The following EPHB1 variants were observed in gnomAD, a reference collection of about 807,000 sequenced individuals.
EPHB1 encodes the protein ephrin type-B receptor 1.
EPHB1 carries 30 observed loss-of-function variants against 94.4 expected under a neutral mutation model. That is an observed-to-expected ratio of 0.32 (90% CI 0.24 to 0.43). The LOEUF (loss-of-function observed/expected upper bound fraction) is 0.43. Ranked by LOEUF, EPHB1 falls within the 20% of genes least tolerant of loss-of-function variation. The probability of loss-of-function intolerance (pLI) is 1.00; values close to 1 mark genes in which losing one functional copy is unlikely to be tolerated. For synonymous variants in EPHB1, 522 were observed against 489.1 expected (o/e 1.07, Z -0.89); for missense variants, 1,055 against 1,308.3 (o/e 0.81, Z 2.99).
intron 12 of EPHB1, among the ~76,000 whole-genome samples, chr3:135,208,192 A>C (rs1202110065): frequency 6.6e-6 from 1 of 151,966 alleles, no homozygotes; most frequent in Non-Finnish European, 1.5e-5. Context: ...TTTAGGGAGG[A>C]AGCATCCAAG....
chr3:134,932,932 G>A lies in EPHB1; in HGVS notation c.123+7052G>A, dbSNP rs557750558. 5.3e-5 allele frequency among the ~76,000 whole-genome samples: 8 copies of A among 152,342 alleles called. No individual in the cohort carries two copies. In the South Asian group the frequency reaches 1.7e-3, roughly 32 times the overall value. ...CATGATTTCTCAGACAGGCACCACT[G>A]AATGGGGACTTGGGAGCTTTGGACC... is the stretch of plus-strand genomic sequence containing the variant. On this transcript the variant is annotated intron_variant, in intron 2 of 15. Transcript: ENST00000398015.
At chr3:134,864,443 T>A (rs1028966495) in intron 1 of EPHB1, among the ~76,000 whole-genome samples, 5 of 152,226 alleles carry the variant, frequency 3.3e-5, no homozygotes, top group Admixed American at 6.5e-5. Flanking sequence ...GCTCTCCTGC[T>A]GTCCTTGGCC....
chr3:134,967,035 G>T (rs1933780092), intron 3 of EPHB1, among the ~76,000 whole-genome samples: 1 of 152,228 alleles, frequency 6.6e-6, no homozygotes, highest in Admixed American at 6.5e-5. Context: ...TCACTCTAAA[G>T]GCTGGGAGGT....
intron 6 of EPHB1, among the ~76,000 whole-genome samples, chr3:135,156,785 C>T (rs891478019): frequency 6.6e-6 from 1 of 152,200 alleles, no homozygotes; most frequent in African/African-American, 2.4e-5. Flanking sequence ...AGGGCTCTTA[C>T]TTGCTAGATA....
chr3:135,215,794 G>A (rs1431103042), intron 12 of EPHB1, among the ~76,000 whole-genome samples: 1 of 152,178 alleles, frequency 6.6e-6, no homozygotes, highest in South Asian at 2.1e-4. Context: ...TCATGGATCT[G>A]AGGTGGAGCC....
intron 13 of EPHB1, among the ~76,000 whole-genome samples, chr3:135,243,993 C>A (rs531429314): frequency 1.3e-5 from 2 of 152,262 alleles, no homozygotes; most frequent in South Asian, 4.2e-4. Flanking sequence ...GTCGACTAGG[C>A]ACTACCCACA....
chr3:134,969,475 A>G (rs543615051), intron 3 of EPHB1, among the ~76,000 whole-genome samples: 69 of 152,310 alleles, frequency 4.5e-4, no homozygotes, highest in Non-Finnish European at 7.1e-4. Flanking sequence ...TGTGGCCATG[A>G]GGACTGGTCC....
chr3:134,844,875 A>C (rs907503877), intron 1 of EPHB1, among the ~76,000 whole-genome samples: 1 of 152,112 alleles, frequency 6.6e-6, no homozygotes, highest in Non-Finnish European at 1.5e-5. Context: ...AGTCTCTACC[A>C]GTTTGCATGT....
In EPHB1 at chr3:135,192,724, T is replaced by G. The variant is rs1298016895; in HGVS notation, c.2031T>G (p.His677Gln). The G allele has an allele frequency of 1.9e-6, 3 of 1,614,026 alleles. No homozygotes were observed. Among genetic ancestry groups the G allele is most frequent in the Non-Finnish European group, 2.5e-6 (3 of 1,180,034 alleles). ...SEASIMGQFD[H>Q]PNIIRLEGVV... ...CGAGCATCATGGGCCAGTTCGACCA[T>G]CCTAACATCATTCGCCTGGAGGGTG... Residue 677 changes from histidine (H) to glutamine (Q), a missense_variant, in exon 11 of 16, where the codon CAT becomes CAG. Physicochemically the swap from His to Gln is conservative, Grantham distance 24. Transcript: ENST00000398015.
intron 1 of EPHB1, among the ~76,000 whole-genome samples, chr3:134,867,924 TG>T (rs2037414748): frequency 6.6e-6 from 1 of 152,006 alleles, no homozygotes; most frequent in Non-Finnish European, 1.5e-5. Flanking sequence ...CTGGGAGAAT[TG>T]GGAGAGAATT....
intron 3 of EPHB1, among the ~76,000 whole-genome samples, chr3:134,984,814 T>C (rs184897897): frequency 1.3e-5 from 2 of 152,098 alleles, no homozygotes; most frequent in Admixed American, 6.5e-5. Flanking sequence ...TGAAGAGGCC[T>C]AGCGAACTGA....
chr3:134,961,621 C>T (rs1457558), intron 3 of EPHB1, among the ~76,000 whole-genome samples: 74,125 of 152,074 alleles, frequency 0.49, 18,776 homozygotes, highest in African/African-American at 0.6. Flanking sequence ...TTTGTACACT[C>T]TTCCCCCTTG....
chr3:135,152,649 G>A (rs1262046108), intron 5 of EPHB1, among the ~76,000 whole-genome samples: 2 of 152,134 alleles, frequency 1.3e-5, no homozygotes, highest in Admixed American at 1.3e-4. Context: ...GGGTTATAAG[G>A]TAGTGTTGGA....
chr3:134,995,219 G>A (rs1156852861), intron 3 of EPHB1, among the ~76,000 whole-genome samples: 1 of 152,118 alleles, frequency 6.6e-6, no homozygotes, highest in Non-Finnish European at 1.5e-5. Flanking sequence ...CTGTATAAAT[G>A]GAATCATATG....
At chr3:135,152,892 C>T (rs563057756) in intron 5 of EPHB1, among the ~76,000 whole-genome samples, 8 of 152,234 alleles carry the variant, frequency 5.3e-5, no homozygotes, top group African/African-American at 1.9e-4. Context: ...TCACAGCCAC[C>T]ACAAGGTCTC....
chr3:135,208,280 C>A (rs1368568921), intron 12 of EPHB1, among the ~76,000 whole-genome samples: 1 of 139,824 alleles, frequency 7.2e-6, no homozygotes, highest in Non-Finnish European at 1.5e-5. Flanking sequence ...CAATGGGAAA[C>A]CTTTCATGAC....
chr3:135,183,230 TCCTC>T (rs1302162940), intron 10 of EPHB1, among the ~76,000 whole-genome samples: 1 of 122,394 alleles, frequency 8.2e-6, no homozygotes, highest in African/African-American at 3.1e-5. Context: ...CTCCCTCCCT[TCCTC>T]CCTCCCTCCC....
intron 15 of EPHB1, among the ~76,000 whole-genome samples, chr3:135,252,320 T>G (rs1053532332): frequency 2.0e-5 from 3 of 150,008 alleles, no homozygotes; most frequent in East Asian, 2.0e-4. Context: ...ACCCACTAAC[T>G]CGTCATCTAG....
At chr3:134,866,975 A>G (rs933000824) in intron 1 of EPHB1, among the ~76,000 whole-genome samples, 1 of 151,826 alleles carries the variant, frequency 6.6e-6, no homozygotes, top group Non-Finnish European at 1.5e-5. Flanking sequence ...ACATGGGCCA[A>G]CCTCTGGTCA....
Sources: allele counts gnomAD v4.1 joint callset (sites outside exome capture counted in the v4.1 genomes callset), GRCh38; gene constraint gnomAD v4.1.1; transcripts MANE v1.5; gene names NCBI Gene and HGNC (gene_info 2026-07-23, HGNC 2026-07-21).